The following GRIN2B variants were observed in gnomAD, a reference collection of about 807,000 sequenced individuals.
GRIN2B encodes the protein glutamate receptor ionotropic, NMDA 2B.
Under a neutral mutation model 114.5 loss-of-function variants are expected in GRIN2B, and 5 were observed. The observed-to-expected ratio is 0.04, with a 90% CI of 0.02 to 0.09. The LOEUF is 0.09. GRIN2B is among the 10% of genes least tolerant of loss of function. The pLI, the probability that GRIN2B is intolerant of heterozygous loss-of-function variation, is 1.00. For missense variants in GRIN2B, 1,108 were observed against 1,943.5 expected, an observed-to-expected ratio of 0.57 and a Z score of 8.08; for synonymous variants, 787 against 745.1, an observed-to-expected ratio of 1.06 and a Z score of -0.92.
At chr12:13,784,502 T>C (rs1195194789) in intron 3 of GRIN2B, among the ~76,000 whole-genome samples, 1 of 152,116 alleles carries the variant, frequency 6.6e-6, no homozygotes, top group African/African-American at 2.4e-5. Context: ...CCTCCCTGTG[T>C]CCACCTTTTT....
intron 4 of GRIN2B, among the ~76,000 whole-genome samples, chr12:13,728,735 G>A (rs1863034707): frequency 6.6e-6 from 1 of 152,170 alleles, no homozygotes; most frequent in African/African-American, 2.4e-5. Flanking sequence ...ATGGATGGAT[G>A]GAAGGATTGG....
chr12:13,620,890 G>T (rs1299342183), intron 5 of GRIN2B, among the ~76,000 whole-genome samples: 1 of 146,836 alleles, frequency 6.8e-6, no homozygotes, highest in Non-Finnish European at 1.5e-5. Context: ...TTTCTTCAAG[G>T]AAATGAAAAA....
intron 4 of GRIN2B, among the ~76,000 whole-genome samples, chr12:13,746,771 A>G (rs1031093100): frequency 6.6e-6 from 1 of 152,150 alleles, no homozygotes; most frequent in Non-Finnish European, 1.5e-5. Flanking sequence ...GTCATGAGTG[A>G]GTTCTCACTC....
At chr12:13,638,018 A>C (rs2136504053) in intron 5 of GRIN2B, among the ~76,000 whole-genome samples, 1 of 152,300 alleles carries the variant, frequency 6.6e-6, no homozygotes, top group East Asian at 1.9e-4. Context: ...TTTCTCACTC[A>C]AGTGGAAAGG....
chr12:13,957,953 A>G (rs7970022), intron 2 of GRIN2B, among the ~76,000 whole-genome samples: 15,845 of 152,212 alleles, frequency 0.1, 1,621 homozygotes, highest in East Asian at 0.41. Context: ...CAGGCTGCAT[A>G]TGACTGTTGG....
intron 10 of GRIN2B, among the ~76,000 whole-genome samples, chr12:13,583,480 T>TA (rs1948878925): frequency 6.6e-6 from 1 of 152,150 alleles, no homozygotes; most frequent in Admixed American, 6.5e-5. Context: ...TATTTAACTG[T>TA]AAAACACACC....
chr12:13,925,844 A>G (rs1866902658), intron 2 of GRIN2B, among the ~76,000 whole-genome samples: 1 of 152,182 alleles, frequency 6.6e-6, no homozygotes, highest in South Asian at 2.1e-4. Flanking sequence ...ACTGCGAATG[A>G]CCTATTGTTA....
At chr12:13,830,306 A>G (rs1865122750) in intron 3 of GRIN2B, among the ~76,000 whole-genome samples, 1 of 152,218 alleles carries the variant, frequency 6.6e-6, no homozygotes, top group East Asian at 1.9e-4. Flanking sequence ...GAAAACTATC[A>G]GTACTGCAAA....
chr12:13,616,433 A>G (rs750047931), intron 6 of GRIN2B, 22 bp downstream of exon 6: 2 of 1,589,544 alleles, frequency 1.3e-6, no homozygotes, highest in South Asian at 2.2e-5. Context: ...TGCCACCCAA[A>G]GTCATTGAGA....
At chr12:13,674,640 C>T (rs1950054190) in intron 5 of GRIN2B, among the ~76,000 whole-genome samples, 1 of 152,100 alleles carries the variant, frequency 6.6e-6, no homozygotes, top group South Asian at 2.1e-4. Context: ...GCTGGATTTC[C>T]ATTCTAGGCA....
intron 4 of GRIN2B, among the ~76,000 whole-genome samples, chr12:13,733,733 C>G (rs978391105): frequency 1.3e-5 from 2 of 152,082 alleles, no homozygotes; most frequent in African/African-American, 2.4e-5. Flanking sequence ...TCTCTTCAAG[C>G]CTCTTCATTG....
intron 3 of GRIN2B, among the ~76,000 whole-genome samples, chr12:13,828,338 G>A (rs561702386): frequency 3.9e-5 from 6 of 152,328 alleles, no homozygotes; most frequent in African/African-American, 1.4e-4. Flanking sequence ...CTCTGGCCCA[G>A]TGGGAATTCT....
At chr12:13,774,420 G>A (rs143949317) in intron 3 of GRIN2B, among the ~76,000 whole-genome samples, 16 of 152,210 alleles carry the variant, frequency 1.1e-4, no homozygotes, top group East Asian at 7.7e-4. Context: ...AGTCAATGTC[G>A]TCAGGAAAAG....
At chr12:13,694,637 C>A (rs1950242602) in intron 4 of GRIN2B, among the ~76,000 whole-genome samples, 1 of 120,132 alleles carries the variant, frequency 8.3e-6, no homozygotes, top group Non-Finnish European at 1.7e-5. Context: ...CCTTCCCAGT[C>A]TATTGTGCAA....
chr12:13,742,436 T>C (rs1863302997), intron 4 of GRIN2B, among the ~76,000 whole-genome samples: 1 of 152,160 alleles, frequency 6.6e-6, no homozygotes, highest in Non-Finnish European at 1.5e-5. Context: ...CAGAACTTTG[T>C]TTTTTTGTTT....
intron 5 of GRIN2B, among the ~76,000 whole-genome samples, chr12:13,643,151 A>G (rs1949735685): frequency 2.0e-5 from 3 of 152,136 alleles, no homozygotes; most frequent in South Asian, 4.1e-4. Context: ...TATAAAGGCT[A>G]TTTTCTAAAG....
At chr12:13,645,078 G>T (rs1319639190) in intron 5 of GRIN2B, among the ~76,000 whole-genome samples, 1 of 152,010 alleles carries the variant, frequency 6.6e-6, no homozygotes, top group Non-Finnish European at 1.5e-5. Flanking sequence ...TAATTGTTTT[G>T]TACAAGAGAC....
intron 4 of GRIN2B, among the ~76,000 whole-genome samples, chr12:13,751,003 C>T (rs1863475651): frequency 6.6e-6 from 1 of 152,156 alleles, no homozygotes; most frequent in Admixed American, 6.5e-5. Flanking sequence ...AAGACTGAAG[C>T]CTGAGGAATC....
chr12:13,908,530 G>A (rs977413033), intron 2 of GRIN2B, among the ~76,000 whole-genome samples: 1 of 152,170 alleles, frequency 6.6e-6, no homozygotes, highest in Non-Finnish European at 1.5e-5. Flanking sequence ...GCAGATGATG[G>A]ATTTAAATTC....
Sources: allele counts gnomAD v4.1 joint callset (sites outside exome capture counted in the v4.1 genomes callset), GRCh38; gene constraint gnomAD v4.1.1; transcripts MANE v1.5; gene names NCBI Gene and HGNC (gene_info 2026-07-23, HGNC 2026-07-21).